Variants in LOXHD1 observed in about 807,000 individuals in gnomAD.
LOXHD1 encodes lipoxygenase homology PLAT domains 1.
LOXHD1 carries 205 observed loss-of-function variants against 248.2 expected under a neutral mutation model. That is an observed-to-expected ratio of 0.83 (90% CI 0.74 to 0.93). The LOEUF is 0.93. Ranked by LOEUF, LOXHD1 falls within the 40% of genes least tolerant of loss-of-function variation. The pLI, the probability that LOXHD1 is intolerant of heterozygous loss-of-function variation, is 0.00. For synonymous variants in LOXHD1, 1,113 were observed against 1,162.8 expected (o/e 0.96, Z 0.87); for missense variants, 2,930 against 2,971.6 (o/e 0.99, Z 0.33).
chr18:46,509,850 G>T, intron 34 of LOXHD1, 35 bp from the exon 35 acceptor site: 1 of 1,389,390 alleles, frequency 7.2e-7, no homozygotes. Context: ...AAGAAGGGAA[G>T]CTGGCCATTG....
At position 46,529,161 on chromosome 18, in the gene LOXHD1, C is replaced by G. The variant is rs766885106; in HGVS notation, c.4530+16G>C. On this transcript the variant is annotated intron_variant, in intron 29 of 40. Transcript: ENST00000642948. Reference sequence around the variant, plus strand: ...GAGAGGAGGGAAGGAGGGTAAACTCCGTGTGCCCCTCATACCGTTCCTCTC... The same window carrying G: ...GAGAGGAGGGAAGGAGGGTAAACTCGGTGTGCCCCTCATACCGTTCCTCTC... 2 of 1,551,266 alleles carry G rather than the reference C, an allele frequency of 1.3e-6. No individual in the cohort carries two copies. Among genetic ancestry groups the G allele is most frequent in the African/African-American group, 2.7e-5 (2 of 72,986 alleles).
chr18:46,574,779 A>G (rs943006302), intron 14 of LOXHD1, among the ~76,000 whole-genome samples: 13 of 152,164 alleles, frequency 8.5e-5, no homozygotes, highest in African/African-American at 2.9e-4. Flanking sequence ...CAACCTCACC[A>G]TAAGACACAT....
intron 11 of LOXHD1, 81 bp from the exon 12 acceptor site, chr18:46,592,149 A>C: frequency 1.1e-3 from 1,653 of 1,491,492 alleles, no homozygotes; most frequent in Non-Finnish European, 1.4e-3. Context: ...CTGCTATCTC[A>C]TTGCAGAGAA....
Position 46,477,588 on chromosome 18 carries a change from T to C in LOXHD1, c.6706A>G (p.Lys2236Glu), listed in dbSNP as rs1399754571. Residue 2236 changes from lysine to glutamate, a missense_variant, in exon 41 of 41, where the codon AAG (lysine) becomes GAG (glutamate). Lys to Glu is a moderately conservative substitution (Grantham distance 56, BLOSUM62 1). Transcript: ENST00000642948. Reference protein sequence around the residue: ...SGYCSGWLVEKVEVTNTSTGV... With the variant: ...SGYCSGWLVEEVEVTNTSTGV... Reference sequence around the variant, plus strand: ...GTGCTGGTGTTGGTGACCTCCACCTTCTCCACCAGCCAGCCTGAGCAGTAG... The same window carrying C: ...GTGCTGGTGTTGGTGACCTCCACCTCCTCCACCAGCCAGCCTGAGCAGTAG... 1.3e-6 allele frequency: 2 copies of C among 1,551,582 alleles called. No homozygotes were observed. The highest frequency in any genetic ancestry group is 2.7e-5 in the African/African-American group (2 of 73,046).
At chr18:46,486,749 A>G (rs2033083992) in intron 38 of LOXHD1, among the ~76,000 whole-genome samples, 1 of 152,110 alleles carries the variant, frequency 6.6e-6, no homozygotes, top group African/African-American at 2.4e-5. Flanking sequence ...CTCAAGTAGG[A>G]GGTGTGAGAG....
intron 2 of LOXHD1, among the ~76,000 whole-genome samples, chr18:46,646,720 C>T (rs1016549300): frequency 6.6e-6 from 1 of 152,222 alleles, no homozygotes; most frequent in Admixed American, 6.5e-5. Context: ...CTGTTCCCCT[C>T]AGTCTAAAGG....
At chr18:46,574,703 G>T (rs529699080) in intron 14 of LOXHD1, among the ~76,000 whole-genome samples, 1 of 151,258 alleles carries the variant, frequency 6.6e-6, no homozygotes, top group African/African-American at 2.4e-5. Flanking sequence ...CTTCTCTTCC[G>T]CCCAGCCATC....
At chr18:46,567,476 T>A (rs1286464745) in intron 16 of LOXHD1, among the ~76,000 whole-genome samples, 1 of 152,230 alleles carries the variant, frequency 6.6e-6, no homozygotes, top group Non-Finnish European at 1.5e-5. Flanking sequence ...GCCCTCTGTG[T>A]GCATGTCAAG....
At chr18:46,602,953 AATTCT>A (rs1231627470) in intron 7 of LOXHD1, among the ~76,000 whole-genome samples, 1 of 152,184 alleles carries the variant, frequency 6.6e-6, no homozygotes, top group Non-Finnish European at 1.5e-5. Flanking sequence ...AGTATATATT[AATTCT>A]ATTCGAGTAT....
intron 12 of LOXHD1, among the ~76,000 whole-genome samples, chr18:46,588,194 G>GAC (rs2038097586): frequency 6.6e-6 from 1 of 151,910 alleles, no homozygotes; most frequent in Non-Finnish European, 1.5e-5. Context: ...GGTGAGTGAG[G>GAC]ACATAGGGGT....
rs139605001 is a variant in LOXHD1, at chr18:46,625,928, T to C, written c.512-7638A>G. Among the ~76,000 whole-genome samples, 878 of 152,314 alleles carry C rather than the reference T, an allele frequency of 5.8e-3. 6 individuals carry two copies. Among genetic ancestry groups the C allele is most frequent in the Non-Finnish European group, 8.5e-3 (575 of 68,026 alleles). Reference sequence around the variant, plus strand: ...CTTCCCTTTCCAACCCAGACTCTAGTAGACTGCTAGTATTTATCTTCCCAG... The same window carrying C: ...CTTCCCTTTCCAACCCAGACTCTAGCAGACTGCTAGTATTTATCTTCCCAG... On this transcript the variant is annotated intron_variant, in intron 4 of 40. Coordinates refer to ENST00000642948, the MANE Select transcript of LOXHD1 (RefSeq NM_001384474.1).
At position 46,560,134 on chromosome 18, in the gene LOXHD1, C is replaced by G; in HGVS notation, c.3010G>C (p.Asp1004His). The G allele has an allele frequency of 7.1e-7, 1 of 1,399,256 alleles. No homozygotes were observed. Among genetic ancestry groups the G allele is most frequent in the Non-Finnish European group, 9.5e-7 (1 of 1,053,594 alleles). 86.7% of individuals were successfully genotyped at this position (1,399,256 alleles called of 1,614,324 possible). A position where few individuals can be genotyped will look rare whatever the true frequency, so the allele number is the denominator to read the frequency against. Residue 1004 changes from aspartate (D) to histidine (H), a missense_variant, in exon 19 of 41, where the codon GAC becomes CAC. Physicochemically the swap from Asp to His is moderately conservative, Grantham distance 81. Transcript: ENST00000642948. ...AHRWLARGKE[D>H]NELVVELVPA... Reference sequence around the variant, plus strand: ...ACCAACTCCACGACAAGTTCGTTGTCCTCCTTGCCCCGGGCCAGCCAGCGG... The same window carrying G: ...ACCAACTCCACGACAAGTTCGTTGTGCTCCTTGCCCCGGGCCAGCCAGCGG...
At position 46,477,442 on chromosome 18, in the gene LOXHD1, T is replaced by C. The variant is rs922652212; in HGVS notation, c.*30A>G. Reference sequence around the variant, plus strand: ...AGGGCAGAAATGTGAGATTGGGGCATCTCAGTGAGAGGGTGGGGGCCCTAG... The same window carrying C: ...AGGGCAGAAATGTGAGATTGGGGCACCTCAGTGAGAGGGTGGGGGCCCTAG... On this transcript the variant is annotated 3_prime_UTR_variant, in exon 41 of 41. Transcript: ENST00000642948. 1 of 1,537,918 alleles carries C rather than the reference T, an allele frequency of 6.5e-7. No individual in the cohort carries two copies. Among genetic ancestry groups the C allele is most frequent in the African/African-American group, 1.4e-5 (1 of 72,834 alleles).
chr18:46,583,858 A>G (rs1482452567), intron 12 of LOXHD1, among the ~76,000 whole-genome samples: 2 of 141,400 alleles, frequency 1.4e-5, no homozygotes, highest in Non-Finnish European at 3.1e-5. Context: ...AAAAAAAAAA[A>G]TGAAAACAGT....
chr18:46,506,005 T>C lies in LOXHD1; in HGVS notation c.5711A>G (p.Asn1904Ser). 6.4e-7 allele frequency: 1 copy of C among 1,552,214 alleles called. No individual in the cohort carries two copies. The highest frequency in any genetic ancestry group is 8.7e-7 in the Non-Finnish European group (1 of 1,147,090). The change falls in exon 37 of 41, where the codon AAC becomes AGC. Residue 1904 changes from asparagine (N) to serine (S), a missense_variant. Coordinates refer to ENST00000642948, the MANE Select transcript of LOXHD1 (RefSeq NM_001384474.1). The stretch of plus-strand genomic sequence containing the variant: ...CTCCCCGAAGATGATGATGAACACG[T>C]TGGCATCAGTGCCTGCTCCTGGGGG... Reference protein sequence around the residue: ...SDILGAGTDANVFIIIFGENG... With the variant: ...SDILGAGTDASVFIIIFGENG...
At chr18:46,610,672 G>A (rs1373219845) in intron 6 of LOXHD1, 104 bp downstream of exon 6, 1 of 1,327,590 alleles carries the variant, frequency 7.5e-7, no homozygotes, top group East Asian at 2.6e-5. Context: ...AGTGGATGCA[G>A]ATGGACCTAG....
chr18:46,563,147 T>A lies in LOXHD1; in HGVS notation c.2516A>T (p.Tyr839Phe), dbSNP rs752014328. 15 of 1,543,962 alleles carry A rather than the reference T, an allele frequency of 9.7e-6. No individual in the cohort carries two copies. Among genetic ancestry groups the A allele is most frequent in the Non-Finnish European group, 9.6e-6 (11 of 1,140,510 alleles). ...CACTTCTGTCTTGCCTTTCTCTCCA[T>A]AGATCTGCATGTAGACTCGGGCACT... ...GTSARVYMQI[Y>F]GEKGKTEVLF... is the part of the protein sequence containing the mutation. Residue 839 changes from tyrosine to phenylalanine, a missense_variant, in exon 18 of 41, where the codon TAT (tyrosine) becomes TTT (phenylalanine). Tyr to Phe is a conservative substitution (Grantham distance 22). Coordinates refer to ENST00000642948, the MANE Select transcript of LOXHD1 (RefSeq NM_001384474.1).
chr18:46,616,108 T>C (rs1738799453), intron 5 of LOXHD1, among the ~76,000 whole-genome samples: 1 of 152,198 alleles, frequency 6.6e-6, no homozygotes, highest in Admixed American at 6.5e-5. Context: ...GATTTTTGAA[T>C]TTTCATCTAA....
At position 46,576,019 on chromosome 18, in the gene LOXHD1, C is replaced by T. The variant is rs956418098; in HGVS notation, c.1970+1688G>A. On this transcript the variant is annotated intron_variant, in intron 14 of 40. Coordinates refer to ENST00000642948, the MANE Select transcript of LOXHD1 (RefSeq NM_001384474.1). ...TCCACAGGAGGCCAGCCTCAACATC[C>T]CTCTGCAGGCAGGCCTTTCCCATTT... Among the ~76,000 whole-genome samples the T allele has an allele frequency of 6.6e-5, 10 of 152,180 alleles. No individual in the cohort carries two copies. In the East Asian group the frequency reaches 1.7e-3, roughly 26 times the overall value.
Sources: gnomAD v4.1 joint callset for allele counts (sites outside exome capture counted in the v4.1 genomes callset) on GRCh38, gnomAD v4.1.1 for gene constraint, MANE v1.5 for transcripts, NCBI Gene and HGNC (gene_info 2026-07-23, HGNC 2026-07-21) for gene names.